Variants in TMEM132D observed in about 807,000 individuals in gnomAD.
TMEM132D encodes transmembrane protein 132D, also known as mature OL transmembrane protein.
TMEM132D carries 21 observed loss-of-function variants against 62.3 expected under a neutral mutation model. The observed-to-expected ratio is 0.34, with a 90% CI of 0.24 to 0.49. The LOEUF (loss-of-function observed/expected upper bound fraction) is 0.49. TMEM132D is among the 20% of genes least tolerant of loss of function. TMEM132D has a pLI of 0.99. For synonymous variants in TMEM132D, 621 were observed against 575.6 expected (o/e 1.08, Z -1.13); for missense variants, 1,346 against 1,402.8 (o/e 0.96, Z 0.65).
At chr12:129,874,700 CTTTTTTTTTTT>C (rs71085583) in intron 1 of TMEM132D, among the ~76,000 whole-genome samples, 1 of 117,908 alleles carries the variant, frequency 8.5e-6, no homozygotes, top group Non-Finnish European at 1.7e-5. Context: ...TCACATTTTT[CTTTTTTTTTTT>C]TTTTTTTGAG....
chr12:129,312,340 G>A (rs924987135), intron 4 of TMEM132D, among the ~76,000 whole-genome samples: 3 of 152,060 alleles, frequency 2.0e-5, no homozygotes, highest in Admixed American at 1.3e-4. Context: ...AAAACACTTA[G>A]GGAAAATAAA....
chr12:129,669,867 A>G (rs1880464044), intron 2 of TMEM132D, among the ~76,000 whole-genome samples: 1 of 152,178 alleles, frequency 6.6e-6, no homozygotes, highest in Non-Finnish European at 1.5e-5. Flanking sequence ...ACTATAGATG[A>G]GGGTACTAAT....
chr12:129,578,008 A>G (rs1331960334), intron 2 of TMEM132D, among the ~76,000 whole-genome samples: 2 of 152,202 alleles, frequency 1.3e-5, no homozygotes, highest in Non-Finnish European at 2.9e-5. Context: ...TTGAGGGCCA[A>G]CGCAGAAGAA....
At chr12:129,276,931 C>T (rs1566019743) in intron 4 of TMEM132D, among the ~76,000 whole-genome samples, 1 of 152,190 alleles carries the variant, frequency 6.6e-6, no homozygotes, top group Non-Finnish European at 1.5e-5. Flanking sequence ...GAGTGTGTCT[C>T]AATGTGTCCG....
At chr12:129,115,798 G>A (rs1201420442) in intron 5 of TMEM132D, among the ~76,000 whole-genome samples, 1 of 152,178 alleles carries the variant, frequency 6.6e-6, no homozygotes, top group Admixed American at 6.5e-5. Context: ...CTGGATGAGT[G>A]TCTGCCACTT....
At chr12:129,398,324 T>C (rs574817636) in intron 3 of TMEM132D, among the ~76,000 whole-genome samples, 103 of 152,350 alleles carry the variant, frequency 6.8e-4, no homozygotes, top group African/African-American at 1.6e-3. Context: ...TGTCACTTCA[T>C]GGTTGCAAGA....
intron 4 of TMEM132D, among the ~76,000 whole-genome samples, chr12:129,258,664 C>T (rs1484764211): frequency 6.6e-6 from 1 of 152,204 alleles, no homozygotes; most frequent in Non-Finnish European, 1.5e-5. Flanking sequence ...GCTGGCTTTG[C>T]ATGCAGTCTT....
chr12:129,388,569 A>T (rs1157330311), intron 3 of TMEM132D, among the ~76,000 whole-genome samples: 2 of 109,770 alleles, frequency 1.8e-5, no homozygotes. Context: ...ATGAATCCTA[A>T]TATAAACACT....
intron 4 of TMEM132D, among the ~76,000 whole-genome samples, chr12:129,221,712 A>G (rs1308845766): frequency 6.6e-6 from 1 of 152,166 alleles, no homozygotes; most frequent in Non-Finnish European, 1.5e-5. Context: ...CCCAACAAAG[A>G]TCAGTAACCT....
chr12:129,100,505 T>C (rs772813444), intron 5 of TMEM132D, among the ~76,000 whole-genome samples: 13 of 152,218 alleles, frequency 8.5e-5, no homozygotes, highest in Non-Finnish European at 1.3e-4. Flanking sequence ...ACTGATGCAG[T>C]GCAGTCAGCT....
At chr12:129,576,833 C>G (rs557970749) in intron 2 of TMEM132D, among the ~76,000 whole-genome samples, 29 of 151,976 alleles carry the variant, frequency 1.9e-4, no homozygotes, top group South Asian at 1.2e-3. Context: ...ATCAAGTAGG[C>G]TAGAGAAAAG....
intron 5 of TMEM132D, among the ~76,000 whole-genome samples, chr12:129,099,328 T>C (rs1436648345): frequency 2.0e-5 from 3 of 152,234 alleles, no homozygotes; most frequent in African/African-American, 7.2e-5. Flanking sequence ...ATTTCTCCTA[T>C]TAACCTGCCA....
At chr12:129,350,432 T>C (rs538001248) in intron 3 of TMEM132D, among the ~76,000 whole-genome samples, 8 of 152,334 alleles carry the variant, frequency 5.3e-5, no homozygotes, top group African/African-American at 1.7e-4. Flanking sequence ...GAATTCAGCC[T>C]GTCTCTTATG....
In TMEM132D at chr12:129,164,888, G is replaced by T. The variant is rs77692280; in HGVS notation, c.1443+44632C>A. Among the ~76,000 whole-genome samples the T allele has an allele frequency of 4.8e-3, 737 of 152,246 alleles. 5 individuals are homozygous for T. Among genetic ancestry groups the T allele is most frequent in the African/African-American group, 0.016 (685 of 41,530 alleles). On this transcript the variant is annotated intron_variant, in intron 5 of 8. Transcript: ENST00000422113. The stretch of plus-strand genomic sequence containing the variant: ...TATCACCAACCTATTCTACTCATAG[G>T]TATTTACTAGAGAACAATCAAAACA...
intron 3 of TMEM132D, among the ~76,000 whole-genome samples, chr12:129,524,822 T>G (rs1392652059): frequency 6.6e-6 from 1 of 151,562 alleles, no homozygotes; most frequent in Non-Finnish European, 1.5e-5. Context: ...GCCACTGTAC[T>G]CCAGCCTAGC....
At chr12:129,580,500 G>T (rs184097044) in intron 2 of TMEM132D, among the ~76,000 whole-genome samples, 1 of 152,204 alleles carries the variant, frequency 6.6e-6, no homozygotes. Context: ...CATCTTTTTA[G>T]TATCATCTTA....
intron 4 of TMEM132D, among the ~76,000 whole-genome samples, chr12:129,297,268 C>G (rs1307844842): frequency 6.6e-6 from 1 of 152,166 alleles, no homozygotes; most frequent in Non-Finnish European, 1.5e-5. Context: ...ATTTGGTGCA[C>G]GTTCTTTAGT....
At chr12:129,284,858 C>A (rs929573487) in intron 4 of TMEM132D, among the ~76,000 whole-genome samples, 2 of 152,120 alleles carry the variant, frequency 1.3e-5, no homozygotes, top group African/African-American at 4.8e-5. Flanking sequence ...TAGGAAATAT[C>A]TGGAATAAAT....
At chr12:129,434,215 C>T (rs1872731986) in intron 3 of TMEM132D, among the ~76,000 whole-genome samples, 1 of 152,152 alleles carries the variant, frequency 6.6e-6, no homozygotes, top group Non-Finnish European at 1.5e-5. Flanking sequence ...AAACTCCCTC[C>T]CTTCTGGGAT....
Sources: gnomAD v4.1 joint callset for allele counts (sites outside exome capture counted in the v4.1 genomes callset) on GRCh38, gnomAD v4.1.1 for gene constraint, MANE v1.5 for transcripts, NCBI Gene and HGNC (gene_info 2026-07-23, HGNC 2026-07-21) for gene names.